RHEX: variants seen among roughly 807,000 people sequenced by gnomAD.
RHEX encodes regulator of hemoglobinization and erythroid cell expansion protein.
In RHEX, 18 loss-of-function variants were observed where a neutral mutation model predicts 20.1. That is an observed-to-expected ratio of 0.90 (90% CI 0.62 to 1.33). RHEX has a LOEUF of 1.33. Among genes scored for constraint, RHEX ranks in the 40% most tolerant of loss-of-function variants. The probability of loss-of-function intolerance (pLI) is 0.00; values close to 1 mark genes in which losing one functional copy is unlikely to be tolerated. For synonymous variants in RHEX, 87 were observed against 77.1 expected (o/e 1.13, Z -0.67); for missense variants, 192 against 214.3 (o/e 0.90, Z 0.65).
chr1:206,079,387 A>G (rs1662695905), intron 1 of RHEX, among the ~76,000 whole-genome samples: 1 of 152,202 alleles, frequency 6.6e-6, no homozygotes, highest in Admixed American at 6.5e-5. Flanking sequence ...TTTAACTTCA[A>G]TATCTGCTCC....
At position 206,068,896 on chromosome 1, in the gene RHEX, A is replaced by C. The variant is rs199994109; in HGVS notation, c.-97+15631A>C. On this transcript the variant is annotated intron_variant, in intron 1 of 5. Coordinates refer to ENST00000331555, the MANE Select transcript of RHEX (RefSeq NM_001007544.4). ...ACACTCTGTGGGAAGAGCTGGTTTA[A>C]AGGGGTACCTGTCTGGGCAACACTG... is the stretch of plus-strand genomic sequence containing the variant. 1.4e-4 allele frequency among the ~76,000 whole-genome samples: 21 copies of C among 152,362 alleles called. No individual in the cohort carries two copies. The East Asian group carries it at 4.1e-3, about 29-fold the overall frequency.
intron 1 of RHEX, among the ~76,000 whole-genome samples, chr1:206,081,808 G>A (rs1413796407): frequency 6.6e-6 from 1 of 151,736 alleles, no homozygotes; most frequent in Non-Finnish European, 1.5e-5. Context: ...CTGTATGAAT[G>A]TTACGTGACA....
In RHEX at chr1:206,074,012, C is replaced by T. The variant is rs116573593; in HGVS notation, c.-97+20747C>T. Among the ~76,000 whole-genome samples, 1,014 of 152,254 alleles carry T rather than the reference C, an allele frequency of 6.7e-3. 7 individuals carry two copies. The highest frequency in any genetic ancestry group is 0.023 in the African/African-American group (940 of 41,526). On this transcript the variant is annotated intron_variant, in intron 1 of 5. Coordinates refer to ENST00000331555, the MANE Select transcript of RHEX (RefSeq NM_001007544.4). ...TTCCCACCTTTGCAGCCTCATCACT[C>T]CTCACTGCCTCGTACCCGCTCCCCT...
At chr1:206,065,085 C>A (rs955128053) in intron 1 of RHEX, among the ~76,000 whole-genome samples, 2 of 152,016 alleles carry the variant, frequency 1.3e-5, no homozygotes, top group African/African-American at 4.8e-5. Flanking sequence ...GCAGCATGCT[C>A]ATTAAGAGTC....
At chr1:206,064,323 C>A (rs1282232135) in intron 1 of RHEX, among the ~76,000 whole-genome samples, 1 of 141,658 alleles carries the variant, frequency 7.1e-6, no homozygotes, top group Non-Finnish European at 1.5e-5. Context: ...AACCTCTGCC[C>A]GGCCGCCCCT....
chr1:206,082,887 C>T (rs28558763), intron 1 of RHEX, among the ~76,000 whole-genome samples: 2,780 of 152,272 alleles, frequency 0.018, 81 homozygotes, highest in African/African-American at 0.064. Flanking sequence ...TTTTATCCTC[C>T]TCCCATTCTT....
At chr1:206,075,486 A>G (rs1662620280) in intron 1 of RHEX, among the ~76,000 whole-genome samples, 1 of 152,208 alleles carries the variant, frequency 6.6e-6, no homozygotes, top group Non-Finnish European at 1.5e-5. Flanking sequence ...TTAAGTAAAG[A>G]TACAGCATTA....
intron 1 of RHEX, among the ~76,000 whole-genome samples, chr1:206,063,272 C>A (rs993509473): frequency 6.6e-6 from 1 of 152,132 alleles, no homozygotes; most frequent in Non-Finnish European, 1.5e-5. Flanking sequence ...AGGATCACAG[C>A]AAAGATGTGG....
intron 1 of RHEX, 119 bp from the exon 2 acceptor site, chr1:206,097,614 A>G (rs1663099807): frequency 3.2e-6 from 2 of 630,364 alleles, no homozygotes; most frequent in South Asian, 3.8e-5. Flanking sequence ...TGGGGACTGA[A>G]GCAAGTATGA....
chr1:206,100,689 G>T (rs947280801), intron 4 of RHEX, among the ~76,000 whole-genome samples: 2 of 152,190 alleles, frequency 1.3e-5, no homozygotes, highest in Non-Finnish European at 2.9e-5. Context: ...GGCACAAAAA[G>T]AGATGTGATC....
At chr1:206,058,759 CT>C (rs1172396281) in intron 1 of RHEX, among the ~76,000 whole-genome samples, 1 of 152,146 alleles carries the variant, frequency 6.6e-6, no homozygotes, top group Non-Finnish European at 1.5e-5. Flanking sequence ...CATGTGAAAT[CT>C]TTAGTATTGT....
At chr1:206,058,036 C>T (rs773185054) in intron 1 of RHEX, among the ~76,000 whole-genome samples, 2 of 152,354 alleles carry the variant, frequency 1.3e-5, no homozygotes, top group Admixed American at 6.5e-5. Flanking sequence ...AAAATTTGAC[C>T]TTACTAATTA....
chr1:206,098,736 ACCTT>A (rs1180880367), intron 3 of RHEX, among the ~76,000 whole-genome samples: 1 of 152,180 alleles, frequency 6.6e-6, no homozygotes, highest in Non-Finnish European at 1.5e-5. Flanking sequence ...AGTTAAGTCT[ACCTT>A]CATTCATTCA....
chr1:206,054,512 C>T (rs774529415), intron 1 of RHEX, among the ~76,000 whole-genome samples: 22 of 151,450 alleles, frequency 1.5e-4, no homozygotes, highest in Non-Finnish European at 2.4e-4. Flanking sequence ...AGTTTTAAAA[C>T]GTTAATTATA....
chr1:206,099,945 C>T (rs76690872), intron 4 of RHEX, 147 bp downstream of exon 4: 25 of 699,828 alleles, frequency 3.6e-5, no homozygotes, highest in Admixed American at 3.0e-4. Flanking sequence ...TGCCAGCCTA[C>T]TTTTTTTCAG....
chr1:206,072,703 G>C (rs782060457), intron 1 of RHEX, among the ~76,000 whole-genome samples: 4 of 152,102 alleles, frequency 2.6e-5, no homozygotes, highest in Admixed American at 1.3e-4. Context: ...CATGTCCCCT[G>C]AAACACCACA....
chr1:206,099,215 G>C (rs1244726483), intron 3 of RHEX, among the ~76,000 whole-genome samples: 2 of 152,196 alleles, frequency 1.3e-5, no homozygotes, highest in Non-Finnish European at 2.9e-5. Flanking sequence ...TTTGAGCACA[G>C]CAGTGCTGAG....
chr1:206,079,897 T>C (rs1662704877), intron 1 of RHEX, among the ~76,000 whole-genome samples: 1 of 152,174 alleles, frequency 6.6e-6, no homozygotes, highest in Non-Finnish European at 1.5e-5. Flanking sequence ...CTATGAAAAC[T>C]CTTTGGATGC....
chr1:206,081,360 T>G (rs1402253488), intron 1 of RHEX, among the ~76,000 whole-genome samples: 1 of 152,204 alleles, frequency 6.6e-6, no homozygotes, highest in Non-Finnish European at 1.5e-5. Flanking sequence ...AAAGCAGAGT[T>G]GTGGATGACA....
Sources: allele counts gnomAD v4.1 joint callset (sites outside exome capture counted in the v4.1 genomes callset), GRCh38; gene constraint gnomAD v4.1.1; transcripts MANE v1.5; gene names NCBI Gene and HGNC (gene_info 2026-07-23, HGNC 2026-07-21).